The following MAF variants were observed in gnomAD, a reference collection of about 807,000 sequenced individuals.
MAF encodes transcription factor Maf.
A neutral mutation model predicts 22.0 loss-of-function variants in MAF; 10 were observed. The ratio of observed to expected loss-of-function variants is 0.45; its 90% CI spans 0.28 to 0.77. The LOEUF (loss-of-function observed/expected upper bound fraction) is 0.77, where lower values mean the gene tolerates loss of function less well. Among genes scored for constraint, MAF ranks in the 30% least tolerant of loss-of-function variants. MAF has a pLI of 0.12. For synonymous variants in MAF, 337 were observed against 255.8 expected, an observed-to-expected ratio of 1.32 and a Z score of -3.03; for missense variants, 544 against 548.4, an observed-to-expected ratio of 0.99 and a Z score of 0.08.
chr16:79,211,765 T>A, the MAF span: 2 of 1,614,088 alleles, frequency 1.2e-6, no homozygotes, highest in African/African-American at 2.7e-5. Context: ...GAGAGGCTGA[T>A]CCAAGAACGG....
chr16:79,559,908 A>G, the MAF span, among the ~76,000 whole-genome samples: 10 of 152,018 alleles, frequency 6.6e-5, no homozygotes, highest in African/African-American at 2.4e-5. Context: ...TCCTATATCT[A>G]TGTCACCTTT....
At chr16:79,215,890 G>A in the MAF span, among the ~76,000 whole-genome samples, 1 of 152,084 alleles carries the variant, frequency 6.6e-6, no homozygotes, top group African/African-American at 2.4e-5. Flanking sequence ...ATGAACTGAG[G>A]CCCCGTAACA....
At chr16:79,383,543 G>C in the MAF span, among the ~76,000 whole-genome samples, 1 of 152,190 alleles carries the variant, frequency 6.6e-6, no homozygotes, top group Non-Finnish European at 1.5e-5. Flanking sequence ...AAAATGCAAG[G>C]ATGCAAGTAC....
the MAF span, among the ~76,000 whole-genome samples, chr16:79,397,743 G>C: frequency 6.6e-6 from 1 of 152,062 alleles, no homozygotes; most frequent in Non-Finnish European, 1.5e-5. Flanking sequence ...GCTATCCTTG[G>C]GGCCAGGCTG....
chr16:79,305,434 C>T, the MAF span, among the ~76,000 whole-genome samples: 84,171 of 151,980 alleles, frequency 0.55, 24,514 homozygotes, highest in Non-Finnish European at 0.65. Context: ...GATGCTTTTC[C>T]TCCCTGGGGC....
the MAF span, among the ~76,000 whole-genome samples, chr16:79,248,803 A>G: frequency 6.6e-6 from 1 of 151,984 alleles, no homozygotes; most frequent in Admixed American, 6.6e-5. Flanking sequence ...ATTTACAAAA[A>G]AAAAAAATTC....
At chr16:79,598,575 G>C in intron 1 of MAF, 2 of 1,406,428 alleles carry the variant, frequency 1.4e-6, no homozygotes, top group Admixed American at 2.5e-5. Flanking sequence ...CTCGAGCAGG[G>C]TGTGGGGTGT....
At chr16:79,447,688 A>C in the MAF span, among the ~76,000 whole-genome samples, 6 of 152,102 alleles carry the variant, frequency 3.9e-5, no homozygotes, top group Non-Finnish European at 7.3e-5. Context: ...AGTTTGTAAG[A>C]AGTTGATTCT....
the MAF span, among the ~76,000 whole-genome samples, chr16:79,555,784 G>A: frequency 1.3e-5 from 2 of 152,128 alleles, no homozygotes; most frequent in Admixed American, 1.3e-4. Context: ...AAGAATTTGG[G>A]ATAAGGGATA....
the MAF span, among the ~76,000 whole-genome samples, chr16:79,209,042 ACTGTGTT>A: frequency 6.7e-4 from 102 of 152,288 alleles, no homozygotes; most frequent in Non-Finnish European, 1.3e-3. Context: ...CCTCCTGTGT[ACTGTGTT>A]CTACAAAGCC....
chr16:79,230,535 A>T, the MAF span, among the ~76,000 whole-genome samples: 1 of 152,148 alleles, frequency 6.6e-6, no homozygotes, highest in Admixed American at 6.6e-5. Context: ...TGTAGTACAA[A>T]GGAATAAACG....
chr16:79,574,989 C>G, the MAF span, among the ~76,000 whole-genome samples: 2 of 151,034 alleles, frequency 1.3e-5, no homozygotes, highest in Non-Finnish European at 2.9e-5. Context: ...ACTAGGAGTT[C>G]TCAATCCTAA....
the MAF span, among the ~76,000 whole-genome samples, chr16:79,294,483 C>G: frequency 2.6e-5 from 4 of 152,160 alleles, no homozygotes; most frequent in Non-Finnish European, 5.9e-5. Flanking sequence ...GGGAAGCTGG[C>G]TCAGATGCTC....
chr16:79,211,911 G>C, the MAF span: 4 of 1,549,514 alleles, frequency 2.6e-6, no homozygotes, highest in South Asian at 3.5e-5. Flanking sequence ...AAGAGTAAAG[G>C]AAATAAGAGC....
the MAF span, among the ~76,000 whole-genome samples, chr16:79,425,026 G>A: frequency 7.9e-5 from 12 of 151,794 alleles, no homozygotes; most frequent in South Asian, 2.5e-3. Flanking sequence ...GATTTTTTTT[G>A]TTGTTTTACT....
the MAF span, among the ~76,000 whole-genome samples, chr16:79,548,347 G>T: frequency 2.0e-5 from 3 of 151,642 alleles, no homozygotes; most frequent in Non-Finnish European, 2.9e-5. Flanking sequence ...TTCTGTAATT[G>T]GAATCAGCAT....
chr16:79,429,563 T>C, the MAF span, among the ~76,000 whole-genome samples: 2 of 152,150 alleles, frequency 1.3e-5, no homozygotes, highest in Non-Finnish European at 1.5e-5. Flanking sequence ...CTCTTTACAG[T>C]TGACGTGGAT....
chr16:79,588,550 C>G (rs746927952), intron 1 of MAF, among the ~76,000 whole-genome samples: 1 of 151,634 alleles, frequency 6.6e-6, no homozygotes. Flanking sequence ...ATTCTCCTGC[C>G]TCCCAGGTTC....
At chr16:79,242,144 T>C in the MAF span, among the ~76,000 whole-genome samples, 2 of 151,738 alleles carry the variant, frequency 1.3e-5, no homozygotes, top group Non-Finnish European at 2.9e-5. Context: ...CTAACAAATA[T>C]AACCACCTAG....
Sources: gnomAD v4.1 joint callset for allele counts (sites outside exome capture counted in the v4.1 genomes callset) on GRCh38, gnomAD v4.1.1 for gene constraint, MANE v1.5 for transcripts, NCBI Gene and HGNC (gene_info 2026-07-23, HGNC 2026-07-21) for gene names.